The following ST7 variants were observed in gnomAD, a reference collection of about 807,000 sequenced individuals.
ST7 encodes suppressor of tumorigenicity 7 protein.
ST7 carries 28 observed loss-of-function variants against 78.7 expected under a neutral mutation model. That is an observed-to-expected ratio of 0.36 (90% CI 0.26 to 0.49). The LOEUF (loss-of-function observed/expected upper bound fraction) is 0.49, where lower values mean the gene tolerates loss of function less well. Ranked by LOEUF, ST7 falls within the 20% of genes least tolerant of loss-of-function variation. The probability of loss-of-function intolerance (pLI) is 0.99; values close to 1 mark genes in which losing one functional copy is unlikely to be tolerated. For synonymous variants in ST7, 247 were observed against 249.6 expected (o/e 0.99, Z 0.10); for missense variants, 418 against 696.0 (o/e 0.60, Z 4.49).
At chr7:117,005,851 A>G (rs1042223383) in intron 1 of ST7, among the ~76,000 whole-genome samples, 1 of 152,244 alleles carries the variant, frequency 6.6e-6, no homozygotes, top group African/African-American at 2.4e-5. Context: ...TTTAACATTC[A>G]AAAAGCTAAT....
chr7:116,979,664 C>T (rs1233409311), intron 1 of ST7, among the ~76,000 whole-genome samples: 1 of 152,122 alleles, frequency 6.6e-6, no homozygotes, highest in African/African-American at 2.4e-5. Context: ...CACTTATAAT[C>T]TTATTACAGT....
chr7:117,097,906 ATATTT>A (rs1307044867), intron 1 of ST7, among the ~76,000 whole-genome samples: 1 of 30,916 alleles, frequency 3.2e-5, no homozygotes, highest in Non-Finnish European at 5.8e-5. Context: ...ATATATATAT[ATATTT>A]TTTTTTTTTT....
At chr7:117,145,871 A>G (rs1184169439) in intron 9 of ST7, among the ~76,000 whole-genome samples, 3 of 152,294 alleles carry the variant, frequency 2.0e-5, no homozygotes, top group East Asian at 1.9e-4. Context: ...GCCTTTGACC[A>G]TGTTAAACCC....
In ST7 at chr7:117,110,872, G is replaced by A. The variant is rs147523906; in HGVS notation, c.235-8689G>A. On this transcript the variant is annotated intron_variant, in intron 2 of 15. Transcript: ENST00000323984. ...AGGTTTTCTGTGCCCCTGCTGAACC[G>A]GATGATCATTGCTGGGCTATCTTAT... Among the ~76,000 whole-genome samples the A allele has an allele frequency of 4.6e-3, 705 of 152,282 alleles. 3 individuals are homozygous for A. Among genetic ancestry groups the A allele is most frequent in the Non-Finnish European group, 7.5e-3 (511 of 68,020 alleles).
chr7:117,102,243 A>G (rs547246569), intron 2 of ST7, among the ~76,000 whole-genome samples: 11 of 152,352 alleles, frequency 7.2e-5, no homozygotes, highest in Admixed American at 5.9e-4. Flanking sequence ...GCAGCCCCAC[A>G]TTGGTCTTCA....
At chr7:116,972,718 C>G (rs1348793576) in intron 1 of ST7, 1 of 924,138 alleles carries the variant, frequency 1.1e-6, no homozygotes, top group Admixed American at 1.7e-5. Context: ...CTCCTGAGCA[C>G]AGTCCAGCTT....
At chr7:117,178,503 G>C (rs191879264) in intron 10 of ST7, among the ~76,000 whole-genome samples, 21 of 152,286 alleles carry the variant, frequency 1.4e-4, no homozygotes, top group Middle Eastern at 3.4e-3. Flanking sequence ...TCTGTGGTCT[G>C]TGAGTGAATT....
At chr7:117,213,203 C>G (rs1354575691) in intron 13 of ST7, among the ~76,000 whole-genome samples, 2 of 152,172 alleles carry the variant, frequency 1.3e-5, no homozygotes, top group Admixed American at 6.5e-5. Context: ...TTGGTGGTGC[C>G]TTTTGACATC....
chr7:117,220,247 G>T (rs145368687), intron 14 of ST7, among the ~76,000 whole-genome samples: 307 of 152,340 alleles, frequency 2.0e-3, no homozygotes, highest in African/African-American at 7.0e-3. Context: ...GGTAGCAGGA[G>T]TTGCTCACTT....
intron 1 of ST7, among the ~76,000 whole-genome samples, chr7:117,047,997 A>G (rs1046127254): frequency 6.6e-6 from 1 of 152,230 alleles, no homozygotes; most frequent in Non-Finnish European, 1.5e-5. Flanking sequence ...AGCCCTACTG[A>G]TAACCTAAAT....
intron 12 of ST7, among the ~76,000 whole-genome samples, chr7:117,195,680 C>T (rs193572): frequency 0.55 from 84,145 of 151,998 alleles, 25,566 homozygotes; most frequent in East Asian, 0.89. Flanking sequence ...CTTGTGAAAA[C>T]TCACTCACTA....
intron 2 of ST7, among the ~76,000 whole-genome samples, chr7:117,107,526 G>A (rs1296467324): frequency 2.7e-5 from 4 of 149,934 alleles, no homozygotes; most frequent in Admixed American, 1.3e-4. Flanking sequence ...GTGATGTTGA[G>A]CATTTTTTTC....
rs181442816 is a variant in ST7, at chr7:117,049,729, C to G, written c.152-50033C>G. On this transcript the variant is annotated intron_variant, in intron 1 of 15. Coordinates refer to ENST00000323984, the MANE Select transcript of ST7 (RefSeq NM_001369598.1). ...TGATTCTTACTCCAGATTCATGTAT[C>G]TCGAAGTGGTGGGCAACCACAGCTG... is the stretch of plus-strand genomic sequence containing the variant. 1.9e-3 allele frequency among the ~76,000 whole-genome samples: 283 copies of G among 152,302 alleles called. 1 individual carries two copies. The highest frequency in any genetic ancestry group is 6.3e-3 in the African/African-American group (263 of 41,572).
chr7:116,961,554 ACG>A (rs1491509668), intron 1 of ST7, among the ~76,000 whole-genome samples: 1 of 90,862 alleles, frequency 1.1e-5, no homozygotes, highest in Non-Finnish European at 2.1e-5. Context: ...CTGTATTCCT[ACG>A]TGTGTGTGTG....
chr7:116,979,724 A>C (rs899612205), intron 1 of ST7, among the ~76,000 whole-genome samples: 3 of 152,076 alleles, frequency 2.0e-5, no homozygotes, highest in Admixed American at 2.0e-4. Context: ...TCTATCCTAT[A>C]TGCTGGGATA....
At chr7:116,987,944 C>A (rs1794256872) in intron 1 of ST7, among the ~76,000 whole-genome samples, 1 of 152,246 alleles carries the variant, frequency 6.6e-6, no homozygotes, top group African/African-American at 2.4e-5. Flanking sequence ...CCAGGCTGAT[C>A]TCGAACTCCT....
At chr7:116,995,885 G>A (rs1051310100) in intron 1 of ST7, among the ~76,000 whole-genome samples, 6 of 152,160 alleles carry the variant, frequency 3.9e-5, no homozygotes, top group African/African-American at 2.4e-5. Context: ...TAAAAATTGT[G>A]TTTGGGCTGA....
At chr7:117,049,794 A>T (rs1395484184) in intron 1 of ST7, among the ~76,000 whole-genome samples, 5 of 152,120 alleles carry the variant, frequency 3.3e-5, no homozygotes, top group Admixed American at 3.3e-4. Context: ...CTTTTTTCCT[A>T]TAATGTCATG....
At chr7:117,007,285 G>A (rs1289253086) in intron 1 of ST7, among the ~76,000 whole-genome samples, 2 of 152,140 alleles carry the variant, frequency 1.3e-5, no homozygotes, top group African/African-American at 4.8e-5. Context: ...CAGCTTTATT[G>A]CTTATATGGA....
Sources: gnomAD v4.1 joint callset for allele counts (sites outside exome capture counted in the v4.1 genomes callset) on GRCh38, gnomAD v4.1.1 for gene constraint, MANE v1.5 for transcripts, NCBI Gene and HGNC (gene_info 2026-07-23, HGNC 2026-07-21) for gene names.